The following SPHKAP variants were observed in gnomAD, a reference collection of about 807,000 sequenced individuals.
SPHKAP encodes A-kinase anchor protein SPHKAP.
SPHKAP carries 67 observed loss-of-function variants against 137.5 expected under a neutral mutation model. The observed-to-expected ratio is 0.49, with a 90% confidence interval of 0.40 to 0.60. The LOEUF is 0.60. SPHKAP is among the 20% of genes least tolerant of loss of function. The pLI is 0.00. For synonymous variants in SPHKAP, 813 were observed against 785.3 expected, an observed-to-expected ratio of 1.04 and a Z score of -0.59; for missense variants, 2,097 against 2,069.3, an observed-to-expected ratio of 1.01 and a Z score of -0.26.
At chr2:228,060,126 G>T (rs1301244847) in intron 3 of SPHKAP, among the ~76,000 whole-genome samples, 1 of 152,076 alleles carries the variant, frequency 6.6e-6, no homozygotes, top group Non-Finnish European at 1.5e-5. Flanking sequence ...CTATGAAAAA[G>T]GGTCTGAAAA....
At chr2:227,991,548 G>A in intron 9 of SPHKAP, 1 of 985,434 alleles carries the variant, frequency 1.0e-6, no homozygotes, top group Non-Finnish European at 1.2e-6. Context: ...CAACAGGCCA[G>A]ATAACTCAAG....
chr2:228,123,034 G>A (rs538208595), intron 2 of SPHKAP, among the ~76,000 whole-genome samples: 119 of 152,088 alleles, frequency 7.8e-4, no homozygotes, highest in Non-Finnish European at 1.2e-3. Flanking sequence ...TCTCACCCAG[G>A]TTTCTTTTTC....
intron 1 of SPHKAP, among the ~76,000 whole-genome samples, chr2:228,159,541 G>C (rs1387682812): frequency 6.6e-6 from 1 of 152,144 alleles, no homozygotes; most frequent in East Asian, 1.9e-4. Context: ...TGGCTCCCGG[G>C]TCTTTAAAGA....
intron 1 of SPHKAP, among the ~76,000 whole-genome samples, chr2:228,137,643 C>G (rs1699477096): frequency 1.3e-5 from 2 of 152,072 alleles, no homozygotes; most frequent in South Asian, 2.1e-4. Context: ...GATATCTACT[C>G]TTGAGCTTTA....
chr2:228,121,633 G>T (rs917440964), intron 2 of SPHKAP, among the ~76,000 whole-genome samples: 16 of 152,354 alleles, frequency 1.1e-4, no homozygotes, highest in Middle Eastern at 3.4e-3. Flanking sequence ...CATAATCTGT[G>T]AAGGGATATA....
intron 3 of SPHKAP, among the ~76,000 whole-genome samples, chr2:228,087,190 G>A (rs971490554): frequency 6.6e-6 from 1 of 152,160 alleles, no homozygotes; most frequent in African/African-American, 2.4e-5. Context: ...TATGTCCTCT[G>A]AGGAATGATA....
chr2:228,023,450 C>T (rs1399532346), intron 5 of SPHKAP, among the ~76,000 whole-genome samples: 1 of 152,162 alleles, frequency 6.6e-6, no homozygotes, highest in Non-Finnish European at 1.5e-5. Context: ...TGTGTACATG[C>T]ATTAGCATTT....
chr2:228,046,470 A>T (rs534598703), intron 3 of SPHKAP, among the ~76,000 whole-genome samples: 1 of 152,202 alleles, frequency 6.6e-6, no homozygotes, highest in South Asian at 2.1e-4. Context: ...AGTTGTGGTG[A>T]ATAAATTTTG....
At chr2:228,052,009 C>T (rs2106274136) in intron 3 of SPHKAP, among the ~76,000 whole-genome samples, 1 of 152,246 alleles carries the variant, frequency 6.6e-6, no homozygotes, top group African/African-American at 2.4e-5. Flanking sequence ...GTGACACAAA[C>T]ATTTAGACCA....
chr2:228,028,691 T>G (rs570115198), intron 3 of SPHKAP, among the ~76,000 whole-genome samples: 2 of 152,234 alleles, frequency 1.3e-5, no homozygotes, highest in Non-Finnish European at 2.9e-5. Flanking sequence ...CTAGGAGTAA[T>G]AGGTTATACC....
At chr2:228,179,890 C>A (rs186977202) in intron 1 of SPHKAP, among the ~76,000 whole-genome samples, 76 of 152,132 alleles carry the variant, frequency 5.0e-4, no homozygotes, top group African/African-American at 1.7e-3. Flanking sequence ...TCTGTAAAAC[C>A]GGATTAAAGC....
chr2:228,033,883 T>C (rs1288591530), intron 3 of SPHKAP, among the ~76,000 whole-genome samples: 4 of 152,172 alleles, frequency 2.6e-5, no homozygotes, highest in African/African-American at 9.7e-5. Flanking sequence ...CAAAGAAGTA[T>C]GTAGAGGGAA....
chr2:228,012,185 A>AG (rs1367134632), intron 7 of SPHKAP, among the ~76,000 whole-genome samples: 29 of 77,144 alleles, frequency 3.8e-4, no homozygotes, highest in Admixed American at 1.4e-4. Flanking sequence ...AAAAAAAAAA[A>AG]AAAGAAAGAA....
At chr2:227,992,775 T>A (rs1018776753) in intron 9 of SPHKAP, among the ~76,000 whole-genome samples, 1 of 152,184 alleles carries the variant, frequency 6.6e-6, no homozygotes, top group Admixed American at 6.5e-5. Context: ...TTATAGATAG[T>A]GATTGAGAAA....
chr2:227,990,859 A>G (rs1323938668), intron 11 of SPHKAP, 141 bp downstream of exon 11: 1 of 825,692 alleles, frequency 1.2e-6, no homozygotes, highest in Admixed American at 2.8e-5. Context: ...GAAGATTTCA[A>G]TGTTCTAGCC....
chr2:228,021,380 G>C (rs1694835157), intron 6 of SPHKAP, among the ~76,000 whole-genome samples: 1 of 152,168 alleles, frequency 6.6e-6, no homozygotes. Context: ...GGCTTTTATG[G>C]AAGTCTTAGG....
chr2:228,118,613 T>A (rs190691691), intron 2 of SPHKAP, among the ~76,000 whole-genome samples: 2 of 152,218 alleles, frequency 1.3e-5, no homozygotes, highest in East Asian at 3.9e-4. Flanking sequence ...TACTTTCCAT[T>A]TTAAGATATC....
At chr2:228,068,864 G>C (rs932847027) in intron 3 of SPHKAP, among the ~76,000 whole-genome samples, 1 of 152,170 alleles carries the variant, frequency 6.6e-6, no homozygotes, top group Admixed American at 6.5e-5. Flanking sequence ...AGTTTTAAAA[G>C]AATGGTTTTC....
At chr2:228,097,501 T>C (rs912404597) in intron 3 of SPHKAP, among the ~76,000 whole-genome samples, 1 of 152,192 alleles carries the variant, frequency 6.6e-6, no homozygotes, top group Non-Finnish European at 1.5e-5. Flanking sequence ...AATGCATCAT[T>C]TATTTTTTTT....
Sources: gnomAD v4.1 joint callset for allele counts (sites outside exome capture counted in the v4.1 genomes callset) on GRCh38, gnomAD v4.1.1 for gene constraint, MANE v1.5 for transcripts, NCBI Gene and HGNC (gene_info 2026-07-23, HGNC 2026-07-21) for gene names.